Variants in FARS2 observed in about 807,000 individuals in gnomAD.
The protein encoded by FARS2 is phenylalanyl-tRNA synthetase 2, mitochondrial.
A neutral mutation model predicts 46.4 loss-of-function variants in FARS2; 40 were observed. That is an observed-to-expected ratio of 0.86 (90% confidence interval 0.67 to 1.12). FARS2 has a LOEUF of 1.12. Among genes scored for constraint, FARS2 ranks in the 50% most tolerant of loss-of-function variants. The probability of loss-of-function intolerance (pLI) is 0.00; values close to 1 mark genes in which losing one functional copy is unlikely to be tolerated. For synonymous variants in FARS2, 234 were observed against 214.9 expected (o/e 1.09, Z -0.78); for missense variants, 513 against 567.9 (o/e 0.90, Z 0.98).
chr6:5,273,503 AAT>A (rs1364787298), intron 1 of FARS2, among the ~76,000 whole-genome samples: 1 of 128,888 alleles, frequency 7.8e-6, no homozygotes, highest in Non-Finnish European at 1.7e-5. Flanking sequence ...CCCAATTTTT[AAT>A]CAGATTGTGT....
At chr6:5,615,358 C>G (rs9378974) in intron 6 of FARS2, among the ~76,000 whole-genome samples, 27,585 of 152,120 alleles carry the variant, frequency 0.18, 2,598 homozygotes, top group South Asian at 0.27. Context: ...CTGTCCCTTA[C>G]TGTGTTTTCT....
intron 6 of FARS2, among the ~76,000 whole-genome samples, chr6:5,697,897 A>T (rs1418810436): frequency 4.4e-5 from 6 of 136,214 alleles, no homozygotes; most frequent in Non-Finnish European, 9.4e-5. Flanking sequence ...TTTTTAATTT[A>T]AAAAAAAATC....
Position 5,711,329 on chromosome 6 carries a change from T to C in FARS2, c.1218-59962T>C, listed in dbSNP as rs186511750. Among the ~76,000 whole-genome samples the C allele has an allele frequency of 4.0e-4, 60 of 150,978 alleles. 1 individual carries two copies. Among genetic ancestry groups the C allele is most frequent in the African/African-American group, 1.4e-3 (57 of 40,970 alleles). On this transcript the variant is annotated intron_variant, in intron 6 of 6. Coordinates refer to ENST00000274680, the MANE Select transcript of FARS2 (RefSeq NM_006567.5). ...ATGAATGAATGAATGAAGAGAGAAA[T>C]CTCCCATGCACAGGAATTCCAAGTA...
At chr6:5,572,893 C>T (rs1772737604) in intron 5 of FARS2, among the ~76,000 whole-genome samples, 1 of 152,322 alleles carries the variant, frequency 6.6e-6, no homozygotes, top group Non-Finnish European at 1.5e-5. Flanking sequence ...CTTCCTATTT[C>T]TGGCCATCAT....
intron 4 of FARS2, among the ~76,000 whole-genome samples, chr6:5,485,925 G>C (rs10046451): frequency 0.012 from 1,859 of 152,298 alleles, 43 homozygotes; most frequent in African/African-American, 0.042. Context: ...CACAGACACA[G>C]AACATTTCCC....
intron 4 of FARS2, among the ~76,000 whole-genome samples, chr6:5,531,518 C>T (rs1434717740): frequency 1.3e-5 from 2 of 152,162 alleles, no homozygotes; most frequent in African/African-American, 4.8e-5. Flanking sequence ...ATTAGAATGC[C>T]ATCCAGCTCA....
Position 5,422,648 on chromosome 6 carries a change from G to A in FARS2, c.773-8393G>A, listed in dbSNP as rs1318239389. On this transcript the variant is annotated intron_variant, in intron 3 of 6. Coordinates refer to ENST00000274680, the MANE Select transcript of FARS2 (RefSeq NM_006567.5). ...TCTGCAAAGTGGGAATGAGAGTAAC[G>A]ATTGTTCAGTGTATATGCCAGCCTC... is the stretch of plus-strand genomic sequence containing the variant. 5.3e-5 allele frequency among the ~76,000 whole-genome samples: 8 copies of A among 152,176 alleles called. 1 individual carries two copies. The highest frequency in any genetic ancestry group is 3.9e-4 in the East Asian group (2 of 5,192).
chr6:5,321,248 G>A, intron 1 of FARS2, among the ~76,000 whole-genome samples: 1 of 152,298 alleles, frequency 6.6e-6, no homozygotes, highest in South Asian at 2.1e-4. Flanking sequence ...TATTTGACTT[G>A]TGTTTTTCAT....
intron 6 of FARS2, among the ~76,000 whole-genome samples, chr6:5,648,193 G>A (rs766248098): frequency 2.6e-5 from 4 of 152,236 alleles, no homozygotes; most frequent in Non-Finnish European, 5.9e-5. Context: ...CCAAATGGGA[G>A]TACATTCCTC....
rs141688650 is a variant in FARS2 at position 5,351,614 on chromosome 6, G to A, written c.-21-16936G>A. Among the ~76,000 whole-genome samples, 136 of 152,276 alleles carry A rather than the reference G, an allele frequency of 8.9e-4. 1 individual carries two copies. Among genetic ancestry groups the A allele is most frequent in the African/African-American group, 3.2e-3 (132 of 41,546 alleles). ...GAAGTTCAGTGCATAAAAGCAGGGT[G>A]GGGGAAATCAGATGGATTGCCATAA... is the stretch of plus-strand genomic sequence containing the variant. On this transcript the variant is annotated intron_variant, in intron 1 of 6. Coordinates refer to ENST00000274680, the MANE Select transcript of FARS2 (RefSeq NM_006567.5).
At chr6:5,751,019 G>A (rs572926452) in intron 6 of FARS2, among the ~76,000 whole-genome samples, 2 of 152,122 alleles carry the variant, frequency 1.3e-5, no homozygotes, top group Non-Finnish European at 2.9e-5. Flanking sequence ...AGTTAGGCGG[G>A]TTTTGGGGGG....
At position 5,700,412 on chromosome 6, in the gene FARS2, C is replaced by CT. The variant is rs574788039; in HGVS notation, c.1218-70867dup. 3.1e-3 allele frequency among the ~76,000 whole-genome samples: 446 copies of CT among 144,510 alleles called. 1 individual carries two copies. The highest frequency in any genetic ancestry group is 4.7e-3 in the Non-Finnish European group (308 of 65,366). 94.8% of individuals were successfully genotyped at this position (144,510 alleles called of 152,430 possible). ...TATATCTCAGTAGCAGTGGCAATTTCTTTTTTTTTTTTGAGATGAAGTCTT... is the reference window on the plus strand; with the variant it reads ...TATATCTCAGTAGCAGTGGCAATTTCTTTTTTTTTTTTTGAGATGAAGTCTT... On this transcript the variant is annotated intron_variant, in intron 6 of 6. Transcript: ENST00000274680.
At chr6:5,749,879 C>T (rs750213122) in intron 6 of FARS2, among the ~76,000 whole-genome samples, 8 of 152,196 alleles carry the variant, frequency 5.3e-5, no homozygotes, top group Non-Finnish European at 1.2e-4. Context: ...CCTCCACTCA[C>T]GGCTGCCACG....
chr6:5,540,746 T>C (rs1582398653), intron 4 of FARS2, among the ~76,000 whole-genome samples: 1 of 152,224 alleles, frequency 6.6e-6, no homozygotes, highest in Admixed American at 6.5e-5. Flanking sequence ...AATAGAAATA[T>C]GTACAGCGTG....
At chr6:5,304,663 A>G (rs1768569885) in intron 1 of FARS2, among the ~76,000 whole-genome samples, 1 of 151,790 alleles carries the variant, frequency 6.6e-6, no homozygotes, top group African/African-American at 2.4e-5. Flanking sequence ...GTGTGTGTAA[A>G]AAACTTGTTG....
intron 4 of FARS2, among the ~76,000 whole-genome samples, chr6:5,494,398 T>C (rs1448566249): frequency 6.6e-6 from 1 of 152,216 alleles, no homozygotes; most frequent in Non-Finnish European, 1.5e-5. Context: ...TCCGGGTCTG[T>C]ACTGGCTGCG....
At chr6:5,703,650 A>G (rs955204633) in intron 6 of FARS2, among the ~76,000 whole-genome samples, 1 of 152,076 alleles carries the variant, frequency 6.6e-6, no homozygotes, top group African/African-American at 2.4e-5. Flanking sequence ...GGCCTTGGGA[A>G]CATTTGGGAA....
chr6:5,294,845 T>A (rs1219794110), intron 1 of FARS2, among the ~76,000 whole-genome samples: 1 of 151,820 alleles, frequency 6.6e-6, no homozygotes, highest in East Asian at 1.9e-4. Flanking sequence ...TCCCCTTGGG[T>A]TTTTACGGAA....
At chr6:5,571,038 G>A (rs879439020) in intron 5 of FARS2, among the ~76,000 whole-genome samples, 1 of 152,168 alleles carries the variant, frequency 6.6e-6, no homozygotes, top group African/African-American at 2.4e-5. Context: ...TTTTCGTGAA[G>A]ACTTGGTAAC....
Sources: allele counts gnomAD v4.1 joint callset (sites outside exome capture counted in the v4.1 genomes callset), GRCh38; gene constraint gnomAD v4.1.1; transcripts MANE v1.5; gene names NCBI Gene and HGNC (gene_info 2026-07-23, HGNC 2026-07-21).